The following ZNF608 variants were observed in gnomAD, a reference collection of about 807,000 sequenced individuals.
ZNF608 encodes the protein zinc finger protein 608, also known as renal carcinoma antigen NY-REN-36.
ZNF608 carries 12 observed loss-of-function variants against 109.0 expected under a neutral mutation model. That is an observed-to-expected ratio of 0.11 (90% CI 0.07 to 0.18). The LOEUF (loss-of-function observed/expected upper bound fraction) is 0.18. ZNF608 is among the 10% of genes least tolerant of loss of function. The pLI is 1.00. For missense variants in ZNF608, 1,707 were observed against 1,879.3 expected, an observed-to-expected ratio of 0.91 and a Z score of 1.70; for synonymous variants, 732 against 717.4, an observed-to-expected ratio of 1.02 and a Z score of -0.33.
chr5:124,644,575 C>T lies in ZNF608; in HGVS notation c.3792G>A (p.Lys1264=). Residue 1264 remains lysine, a synonymous_variant, in exon 6 of 10, where the codon AAG becomes AAA. Transcript: ENST00000513986. ...TCCTCGGACTATCCTCTTTTAATTT[C>T]TTCTCTCTATCAAGTTCTTCTGACT... ...QQKSEELDRE[K]KLKEDSPRKT... is the part of the protein sequence containing the mutation. The T allele has an allele frequency of 6.2e-7, 1 of 1,613,820 alleles. No individual in the cohort carries two copies. The highest frequency in any genetic ancestry group is 1.1e-5 in the South Asian group (1 of 91,008).
intron 3 of ZNF608, among the ~76,000 whole-genome samples, chr5:124,652,983 A>T (rs1012955422): frequency 3.9e-5 from 6 of 152,158 alleles, no homozygotes; most frequent in African/African-American, 1.4e-4. Flanking sequence ...GGTGTTGGGG[A>T]CGTTCTATAC....
chr5:124,708,706 C>T (rs1365789983), intron 2 of ZNF608: 2 of 456,282 alleles, frequency 4.4e-6, no homozygotes, highest in South Asian at 3.1e-5. Flanking sequence ...TCCACTTTCT[C>T]ATTATCAGGT....
chr5:124,647,284 A>G lies in ZNF608; in HGVS notation c.3100T>C (p.Ser1034Pro), dbSNP rs939447161. ...TCTTTCTTTTCAGCATCTTCCTCAG[A>G]CTCCTTCTTGATCTTCATTCCCTGC... ...STQGMKIKKE[S>P]EEDAEKKDKA... The change falls in exon 5 of 10, where the codon TCT becomes CCT. Residue 1034 changes from serine (S) to proline (P), a missense_variant. Around this residue, in one of 7 missense-constraint regions of ZNF608, gnomAD observed 1,073 missense variants for 1,133.5 expected, o/e 0.95. Transcript: ENST00000513986. 6.2e-7 allele frequency: 1 copy of G among 1,613,480 alleles called. No homozygotes were observed. The highest frequency in any genetic ancestry group is 1.3e-5 in the African/African-American group (1 of 74,682).
At chr5:124,699,811 T>C (rs535315497) in intron 3 of ZNF608, among the ~76,000 whole-genome samples, 2 of 152,312 alleles carry the variant, frequency 1.3e-5, no homozygotes, top group Admixed American at 6.5e-5. Context: ...TCCCAGTTTG[T>C]CACTATCCTT....
chr5:124,723,203 T>G (rs189983113), intron 2 of ZNF608, among the ~76,000 whole-genome samples: 1 of 152,082 alleles, frequency 6.6e-6, no homozygotes, highest in East Asian at 1.9e-4. Context: ...GCTACAAGGT[T>G]TCTCCATATT....
At chr5:124,641,137 T>G in intron 8 of ZNF608, 115 bp downstream of exon 8, 1 of 1,345,228 alleles carries the variant, frequency 7.4e-7, no homozygotes, top group East Asian at 2.3e-5. Flanking sequence ...TTAAAAACCC[T>G]CCTGAGAGCT....
intron 2 of ZNF608, among the ~76,000 whole-genome samples, chr5:124,732,114 G>C (rs929981082): frequency 2.0e-5 from 3 of 151,916 alleles, no homozygotes; most frequent in Non-Finnish European, 2.9e-5. Context: ...CATTTCAAAA[G>C]GATCATGATA....
rs374773415 is a variant in ZNF608, at chr5:124,643,673, G to C, written c.4134C>G (p.Leu1378=). The C allele has an allele frequency of 4.3e-6, 7 of 1,614,018 alleles. No homozygotes were observed. The highest frequency in any genetic ancestry group is 2.7e-5 in the African/African-American group (2 of 74,904). ...AAACAGGATAATGAAATCCTGGAGA[G>C]AGATATGCCCCTGCAGATAAACAAC... ...VLMHSYPGAY[L]SPGFHYPVYG... is the part of the protein sequence containing the mutation. The change falls in exon 7 of 10, where the codon CTC becomes CTG. Residue 1378 remains leucine, a synonymous_variant. Coordinates refer to ENST00000513986, the MANE Select transcript of ZNF608 (RefSeq NM_020747.3).
Position 124,644,326 on chromosome 5 carries a change from A to G in ZNF608, c.4041T>C (p.His1347=), listed in dbSNP as rs1750394449. Reference sequence around the variant, plus strand: ...CGTACATCTGTGGGTAAGGATAAGCATGCAAGTACTGTATGTATGACTGAT... The same window carrying G: ...CGTACATCTGTGGGTAAGGATAAGCGTGCAAGTACTGTATGTATGACTGAT... The part of the protein sequence containing the change: ...SQHQSYIQYL[H]AYPYPQMYDP... The change falls in exon 6 of 10, where the codon CAT becomes CAC. Residue 1347 remains histidine (H), a synonymous_variant. Coordinates refer to ENST00000513986, the MANE Select transcript of ZNF608 (RefSeq NM_020747.3). 3.7e-6 allele frequency: 6 copies of G among 1,614,208 alleles called. No individual in the cohort carries two copies. The highest frequency in any genetic ancestry group is 1.3e-5 in the African/African-American group (1 of 75,050).
chr5:124,661,750 G>A (rs1247636092), intron 3 of ZNF608, among the ~76,000 whole-genome samples: 1 of 152,178 alleles, frequency 6.6e-6, no homozygotes, highest in African/African-American at 2.4e-5. Context: ...GTAAATACGT[G>A]TGTTTACACA....
At chr5:124,660,942 C>A (rs1040946977) in intron 3 of ZNF608, among the ~76,000 whole-genome samples, 5 of 152,154 alleles carry the variant, frequency 3.3e-5, no homozygotes, top group Admixed American at 6.5e-5. Flanking sequence ...TTATGCGCAT[C>A]TACACTAATT....
intron 2 of ZNF608, among the ~76,000 whole-genome samples, chr5:124,725,956 T>C (rs556852135): frequency 1.3e-5 from 2 of 152,320 alleles, no homozygotes; most frequent in Admixed American, 6.5e-5. Flanking sequence ...GCTATATTCA[T>C]AGTGTCCTGT....
chr5:124,639,016 T>C, intron 9 of ZNF608, 117 bp downstream of exon 9: 1 of 992,398 alleles, frequency 1.0e-6, no homozygotes, highest in Non-Finnish European at 1.5e-6. Flanking sequence ...ACACATTCAT[T>C]ACAATGATAT....
At chr5:124,701,615 C>A (rs1022678951) in intron 2 of ZNF608, among the ~76,000 whole-genome samples, 1 of 152,108 alleles carries the variant, frequency 6.6e-6, no homozygotes, top group African/African-American at 2.4e-5. Context: ...GTAATGAAAT[C>A]TCACTTTAAA....
At position 124,648,375 on chromosome 5, in the gene ZNF608, A is replaced by G. The variant is rs776578320; in HGVS notation, c.2009T>C (p.Leu670Pro). The G allele has an allele frequency of 1.2e-6, 2 of 1,614,160 alleles. No individual in the cohort carries two copies. The highest frequency in any genetic ancestry group is 2.2e-5 in the East Asian group (1 of 44,874). ...SGKKKGLNNE[L>P]NNLPVISNMT... The stretch of plus-strand genomic sequence containing the variant: ...GTTGGAGATTACTGGAAGGTTGTTC[A>G]GTTCATTGTTAAGGCCCTTCTTTTT... The change falls in exon 5 of 10, where the codon CTG becomes CCG. Residue 670 changes from leucine (L) to proline (P), a missense_variant. Leu to Pro is a moderately conservative substitution (Grantham distance 98). Around this residue, in one of 7 missense-constraint regions of ZNF608, gnomAD observed 1,073 missense variants for 1,133.5 expected, o/e 0.95. Coordinates refer to ENST00000513986, the MANE Select transcript of ZNF608 (RefSeq NM_020747.3).
chr5:124,712,468 G>A (rs899251684), intron 2 of ZNF608, among the ~76,000 whole-genome samples: 3 of 152,178 alleles, frequency 2.0e-5, no homozygotes, highest in Non-Finnish European at 4.4e-5. Context: ...TGCAAAGAAT[G>A]TAAAGAGAAG....
chr5:124,727,563 T>C (rs1748665362), intron 2 of ZNF608, among the ~76,000 whole-genome samples: 1 of 150,082 alleles, frequency 6.7e-6, no homozygotes, highest in Admixed American at 6.7e-5. Context: ...CTCAAGATGG[T>C]ATCAATCCTC....
At chr5:124,708,931 G>A (rs1312223894) in intron 2 of ZNF608, among the ~76,000 whole-genome samples, 1 of 152,108 alleles carries the variant, frequency 6.6e-6, no homozygotes, top group African/African-American at 2.4e-5. Flanking sequence ...CAGCACTTTG[G>A]GAGGCCAAGG....
At chr5:124,721,636 T>A (rs1292333605) in intron 2 of ZNF608, among the ~76,000 whole-genome samples, 2 of 151,994 alleles carry the variant, frequency 1.3e-5, no homozygotes, top group African/African-American at 4.8e-5. Flanking sequence ...CCAAGGGTCA[T>A]AAAAGAACTC....
Sources: allele counts gnomAD v4.1 joint callset (sites outside exome capture counted in the v4.1 genomes callset), GRCh38; gene constraint gnomAD v4.1.1; regional missense constraint gnomAD v4.1.1; transcripts MANE v1.5; gene names NCBI Gene and HGNC (gene_info 2026-07-23, HGNC 2026-07-21).